CDH18: variants seen among roughly 807,000 people sequenced by gnomAD.
The protein encoded by CDH18 is cadherin-18.
Under a neutral mutation model 67.9 loss-of-function variants are expected in CDH18, and 31 were observed. The observed-to-expected ratio is 0.46, with a 90% CI of 0.34 to 0.62. The LOEUF (loss-of-function observed/expected upper bound fraction) is 0.62, where lower values mean the gene tolerates loss of function less well. Among genes scored for constraint, CDH18 ranks in the 20% least tolerant of loss-of-function variants. The pLI is 0.01. For missense variants in CDH18, 890 were observed against 975.5 expected (o/e 0.91, Z 1.17); for synonymous variants, 362 against 347.2 (o/e 1.04, Z -0.48).
chr5:20,218,154 A>G (rs921285018), intron 2 of CDH18, among the ~76,000 whole-genome samples: 2 of 151,964 alleles, frequency 1.3e-5, no homozygotes, highest in African/African-American at 4.8e-5. Context: ...AATCTGCACT[A>G]CAGGCCCAAC....
chr5:20,351,206 G>A (rs1287836010), intron 1 of CDH18, among the ~76,000 whole-genome samples: 2 of 146,828 alleles, frequency 1.4e-5, no homozygotes, highest in Non-Finnish European at 3.0e-5. Context: ...GTGTGTTATT[G>A]CTTATTTTGT....
At chr5:20,187,346 C>T (rs1266852360) in intron 2 of CDH18, among the ~76,000 whole-genome samples, 3 of 151,762 alleles carry the variant, frequency 2.0e-5, no homozygotes, top group Admixed American at 2.0e-4. Context: ...GTGTTAGCAA[C>T]CTGTGTACGT....
intron 5 of CDH18, among the ~76,000 whole-genome samples, chr5:19,709,569 AAAC>A (rs1470477560): frequency 1.3e-5 from 2 of 151,972 alleles, no homozygotes; most frequent in African/African-American, 2.4e-5. Context: ...CTCTTTCAAA[AAAC>A]AACAACAAAA....
At chr5:20,169,418 T>C (rs1346053652) in intron 2 of CDH18, among the ~76,000 whole-genome samples, 3 of 152,148 alleles carry the variant, frequency 2.0e-5, no homozygotes, top group South Asian at 2.1e-4. Context: ...AGGAGGAACA[T>C]TGAATTGTAT....
At chr5:20,075,823 T>C (rs193209502) in intron 2 of CDH18, among the ~76,000 whole-genome samples, 34 of 152,300 alleles carry the variant, frequency 2.2e-4, no homozygotes, top group Non-Finnish European at 8.8e-5. Flanking sequence ...CTTTTCATTT[T>C]ATAGTAAAAT....
intron 2 of CDH18, among the ~76,000 whole-genome samples, chr5:20,070,526 T>C (rs926366642): frequency 1.3e-5 from 2 of 152,050 alleles, no homozygotes; most frequent in African/African-American, 2.4e-5. Flanking sequence ...TTAGGGAAAA[T>C]AAATTGAAAG....
At chr5:20,442,937 C>T (rs1412684032) in intron 1 of CDH18, among the ~76,000 whole-genome samples, 3 of 151,690 alleles carry the variant, frequency 2.0e-5, no homozygotes, top group Non-Finnish European at 4.4e-5. Context: ...TGGCCGGGCG[C>T]GGTGGCTCAC....
intron 1 of CDH18, among the ~76,000 whole-genome samples, chr5:20,379,405 G>GT (rs1743734420): frequency 6.6e-6 from 1 of 152,050 alleles, no homozygotes; most frequent in African/African-American, 2.4e-5. Context: ...TCCTGAGCAG[G>GT]TATCATATTG....
At chr5:20,543,780 C>T (rs1305166152) in intron 1 of CDH18, among the ~76,000 whole-genome samples, 1 of 152,126 alleles carries the variant, frequency 6.6e-6, no homozygotes, top group African/African-American at 2.4e-5. Flanking sequence ...CTAAATTCAG[C>T]TCATTGCGTA....
At chr5:19,979,003 G>A (rs540378411) in intron 2 of CDH18, among the ~76,000 whole-genome samples, 28 of 152,202 alleles carry the variant, frequency 1.8e-4, no homozygotes, top group Middle Eastern at 3.4e-3. Flanking sequence ...GTAGTCACAC[G>A]CAGCACTTAT....
chr5:20,326,427 C>T (rs2150016028), intron 1 of CDH18, among the ~76,000 whole-genome samples: 1 of 152,090 alleles, frequency 6.6e-6, no homozygotes, highest in South Asian at 2.1e-4. Context: ...TTAAATTCAG[C>T]TGCAAACAAG....
intron 5 of CDH18, among the ~76,000 whole-genome samples, chr5:19,634,792 C>G (rs1752895329): frequency 6.6e-6 from 1 of 151,768 alleles, no homozygotes; most frequent in African/African-American, 2.4e-5. Flanking sequence ...ACAAAATTAG[C>G]CTGGCGTGGT....
At chr5:19,786,146 T>C (rs1775753742) in intron 3 of CDH18, among the ~76,000 whole-genome samples, 1 of 152,162 alleles carries the variant, frequency 6.6e-6, no homozygotes, top group South Asian at 2.1e-4. Context: ...TGAAAATGAA[T>C]AGCATGAATA....
chr5:19,747,362 G>T, intron 3 of CDH18, 126 bp from the exon 4 acceptor site: 3 of 668,214 alleles, frequency 4.5e-6, no homozygotes, highest in Non-Finnish European at 7.2e-6. Context: ...TGCCCTGTGT[G>T]TTACTACTAT....
intron 1 of CDH18, among the ~76,000 whole-genome samples, chr5:20,334,219 G>A (rs1484218067): frequency 1.5e-5 from 2 of 137,028 alleles, no homozygotes; most frequent in South Asian, 2.3e-4. Flanking sequence ...TGCAGGCTCC[G>A]CCCCCTGGGG....
intron 2 of CDH18, among the ~76,000 whole-genome samples, chr5:20,235,065 T>C (rs1561899540): frequency 6.6e-6 from 1 of 152,072 alleles, no homozygotes; most frequent in Non-Finnish European, 1.5e-5. Context: ...AACAGTTGGA[T>C]GGCTATCTGT....
intron 3 of CDH18, among the ~76,000 whole-genome samples, chr5:19,831,906 T>A (rs1781076365): frequency 6.6e-6 from 1 of 152,022 alleles, no homozygotes; most frequent in South Asian, 2.1e-4. Flanking sequence ...CACATATGCA[T>A]AATGAAATAC....
At chr5:19,907,659 A>T (rs1790677817) in intron 2 of CDH18, among the ~76,000 whole-genome samples, 1 of 152,068 alleles carries the variant, frequency 6.6e-6, no homozygotes, top group Non-Finnish European at 1.5e-5. Context: ...AATGAAAATC[A>T]TGATGATAAA....
intron 1 of CDH18, among the ~76,000 whole-genome samples, chr5:20,507,701 ATGT>A (rs1285793266): frequency 3.5e-5 from 5 of 142,702 alleles, no homozygotes; most frequent in Admixed American, 2.8e-4. Flanking sequence ...TTTAAATCAC[ATGT>A]TATTATTACC....
Sources: allele counts gnomAD v4.1 joint callset (sites outside exome capture counted in the v4.1 genomes callset), GRCh38; gene constraint gnomAD v4.1.1; transcripts MANE v1.5; gene names NCBI Gene and HGNC (gene_info 2026-07-23, HGNC 2026-07-21).